Variants in DRP2 observed in about 807,000 individuals in gnomAD.
DRP2 encodes the protein dystrophin-related protein 2.
In DRP2, 29 loss-of-function variants were observed where a neutral mutation model predicts 78.2. That is an observed-to-expected ratio of 0.37 (90% CI 0.28 to 0.51). The LOEUF is 0.51. Ranked by LOEUF, DRP2 falls within the 20% of genes least tolerant of loss-of-function variation. DRP2 has a pLI of 0.94. For synonymous variants in DRP2, 290 were observed against 281.9 expected (o/e 1.03, Z -0.29); for missense variants, 686 against 770.6 (o/e 0.89, Z 1.30).
At chrX:101,252,452 CCACTG>C (rs199730630) in intron 16 of DRP2, among the ~76,000 whole-genome samples, 148 bp from the exon 17 acceptor site, 1,857 of 112,488 alleles carry the variant, frequency 0.017, 45 homozygotes, top group African/African-American at 0.057. Flanking sequence ...GAGAATTCAG[CCACTG>C]CTATGTATAC....
rs769822478 is a variant in DRP2, at chrX:101,248,624, G to A, written c.1540+25G>A. The A allele has an allele frequency of 5.1e-6, 6 of 1,168,189 alleles. No homozygotes were observed. In the African/African-American group the frequency reaches 5.3e-5, roughly 10 times the overall value. ...TGTGAGTAGAACTCCAAAGTGTGGA[G>A]TGGTGTTGGGTAGAGGGAAAGGTGT... On this transcript the variant is annotated intron_variant, in intron 14 of 23. Coordinates refer to ENST00000395209, the MANE Select transcript of DRP2 (RefSeq NM_001939.3).
At chrX:101,233,734 G>GC (rs1204824300) in intron 3 of DRP2, among the ~76,000 whole-genome samples, 1 of 111,861 alleles carries the variant, frequency 8.9e-6, no homozygotes, top group Non-Finnish European at 1.9e-5. Context: ...GCCTTCCCCT[G>GC]CCCCCACCCA....
chrX:101,225,429 A>G (rs1310358452), intron 2 of DRP2, among the ~76,000 whole-genome samples: 2 of 111,569 alleles, frequency 1.8e-5, no homozygotes, highest in Non-Finnish European at 3.8e-5. Flanking sequence ...TACAAATCCC[A>G]GCTCTTCACG....
intron 6 of DRP2, among the ~76,000 whole-genome samples, chrX:101,240,268 G>A (rs183673296): frequency 7.0e-4 from 78 of 111,348 alleles, no homozygotes; most frequent in Non-Finnish European, 1.2e-3. Context: ...TCATAACCCA[G>A]GCTGGAGTGC....
chrX:101,257,601 A>G (rs1160637647), intron 21 of DRP2, among the ~76,000 whole-genome samples: 1 of 108,802 alleles, frequency 9.2e-6, no homozygotes, highest in Non-Finnish European at 1.9e-5. Context: ...TGAGCTATGT[A>G]CTAGTCATGT....
chrX:101,255,099 T>C, intron 19 of DRP2, 85 bp from the exon 20 acceptor site: 1 of 1,098,942 alleles, frequency 9.1e-7, no homozygotes, highest in Non-Finnish European at 1.3e-6. Flanking sequence ...TCAAAGCCAA[T>C]GATCCTGCTG....
rs751654063 is a variant in DRP2 at position 101,256,219 on chromosome X, G to C, written c.2348G>C (p.Gly783Ala). 1 of 1,204,925 alleles carries C rather than the reference G, an allele frequency of 8.3e-7. No homozygotes were observed. Among genetic ancestry groups the C allele is most frequent in the Admixed American group, 2.2e-5 (1 of 45,050 alleles). ...TGCAGTGTGGCCACAGAAAGCAAAG[G>C]GGAGCTACAGAAGATCCTGGCCCAC... ...APCSVATESK[G>A]ELQKILAHLE... The change falls in exon 21 of 24, where the codon GGG becomes GCG. Residue 783 changes from glycine to alanine, a missense_variant. Around this residue, in one of 2 missense-constraint regions of DRP2, gnomAD observed 423 missense variants for 531.5 expected, o/e 0.80. Coordinates refer to ENST00000395209, the MANE Select transcript of DRP2 (RefSeq NM_001939.3).
At position 101,260,560 on chromosome X, in the gene DRP2, G is replaced by C; in HGVS notation, c.2813G>C (p.Arg938Pro). 8.3e-7 allele frequency: 1 copy of C among 1,211,345 alleles called. No homozygotes were observed. The highest frequency in any genetic ancestry group is 3.0e-5 in the East Asian group (1 of 33,823). The change falls in exon 24 of 24, where the codon CGT becomes CCT. Residue 938 changes from arginine to proline, a missense_variant. Physicochemically the swap from Arg to Pro is moderately radical, Grantham distance 103. Around this residue, in one of 2 missense-constraint regions of DRP2, gnomAD observed 423 missense variants for 531.5 expected, o/e 0.80. Transcript: ENST00000395209. ...TTGGAGGACATCATGGAGAAACTCC[G>C]TCATGCCTTCCCCAGTGTGCGAAGT... ...LCLEDIMEKLRHAFPSVRSSD... is the reference protein window; with the variant it reads ...LCLEDIMEKLPHAFPSVRSSD...
At chrX:101,257,751 G>A (rs1446552685) in intron 21 of DRP2, among the ~76,000 whole-genome samples, 1 of 111,431 alleles carries the variant, frequency 9.0e-6, no homozygotes, top group Non-Finnish European at 1.9e-5. Flanking sequence ...TGACTGTTCT[G>A]TTGCAAATAA....
intron 5 of DRP2, 42 bp downstream of exon 5, chrX:101,237,817 C>T: frequency 9.5e-7 from 1 of 1,058,152 alleles, no homozygotes; most frequent in Middle Eastern, 3.9e-4. Flanking sequence ...AGCCTCTCAG[C>T]TGGGGAGGAA....
intron 9 of DRP2, among the ~76,000 whole-genome samples, chrX:101,244,543 C>T (rs1262303145): frequency 9.0e-6 from 1 of 111,363 alleles, no homozygotes; most frequent in Non-Finnish European, 1.9e-5. Flanking sequence ...TCCAGAGTTC[C>T]TCATGAGAGA....
At chrX:101,239,235 C>A in intron 6 of DRP2, 134 bp downstream of exon 6, 2 of 869,971 alleles carry the variant, frequency 2.3e-6, no homozygotes, top group Non-Finnish European at 3.1e-6. Context: ...AGGAGTCCAT[C>A]CAAAGTTGGG....
intron 6 of DRP2, among the ~76,000 whole-genome samples, chrX:101,239,437 T>C (rs971721100): frequency 8.9e-6 from 1 of 111,986 alleles, no homozygotes; most frequent in African/African-American, 3.2e-5. Context: ...AAAGTACCAG[T>C]ATGTCCTTTA....
intron 20 of DRP2, among the ~76,000 whole-genome samples, chrX:101,255,679 C>T (rs1387235504): frequency 9.0e-6 from 1 of 111,167 alleles, no homozygotes; most frequent in Non-Finnish European, 1.9e-5. Context: ...CCTGGTATGA[C>T]AGCCCAGAGA....
chrX:101,236,109 T>G (rs1174554024), intron 4 of DRP2, 86 bp downstream of exon 4: 10 of 1,033,416 alleles, frequency 9.7e-6, no homozygotes, highest in Non-Finnish European at 1.3e-5. Context: ...TCTCAGCCTG[T>G]GCATCCCCCT....
chrX:101,232,287 T>C (rs1380289918), intron 3 of DRP2, among the ~76,000 whole-genome samples: 1 of 111,208 alleles, frequency 9.0e-6, no homozygotes, highest in African/African-American at 3.3e-5. Flanking sequence ...TGGTGGTGTA[T>C]GTGTCCGCCT....
chrX:101,244,554 G>A (rs1922857512), intron 9 of DRP2, among the ~76,000 whole-genome samples: 1 of 111,644 alleles, frequency 9.0e-6, no homozygotes, highest in African/African-American at 3.3e-5. Flanking sequence ...TCATGAGAGA[G>A]AGAGAAATGG....
In DRP2 at chrX:101,224,191, G is replaced by GTTTTTTTTTTTTTTTT. The variant is rs1167730116; in HGVS notation, c.-166-398_-166-383dup. 5.4e-4 allele frequency among the ~76,000 whole-genome samples: 21 copies of GTTTTTTTTTTTTTTTT among 38,876 alleles called. 1 individual carries two copies. The highest frequency in any genetic ancestry group is 2.7e-3 in the South Asian group (1 of 373). 33.8% of individuals were successfully genotyped at this position (38,876 alleles called of 115,157 possible). ...AATAAATGTTTGCTGGGTTTTTTTT[G>GTTTTTTTTTTTTTTTT]TTTTTTTTTTTTTTTTTTTTTTTTT... On this transcript the variant is annotated intron_variant, in intron 1 of 23. Coordinates refer to ENST00000395209, the MANE Select transcript of DRP2 (RefSeq NM_001939.3).
chrX:101,254,783 T>C lies in DRP2; in HGVS notation c.2115-76T>C, dbSNP rs1569509718. 1.9e-5 allele frequency: 22 copies of C among 1,149,717 alleles called. No homozygotes were observed. In the South Asian group the frequency reaches 3.7e-4, roughly 19 times the overall value. The allele number at this position is 1,149,717 out of a possible 1,213,427, so 94.7% of individuals were successfully genotyped here. A position where few individuals can be genotyped will look rare whatever the true frequency, so the allele number is the denominator to read the frequency against. On this transcript the variant is annotated intron_variant, in intron 18 of 23. Transcript: ENST00000395209. ...CATCAGCTCTTGCCCATGTCCATAA[T>C]GTAGGGAGCAGGAGAGGGAGGAGGA...
Sources: gnomAD v4.1 joint callset for allele counts (sites outside exome capture counted in the v4.1 genomes callset) on GRCh38, gnomAD v4.1.1 for gene constraint, gnomAD v4.1.1 regional missense constraint, MANE v1.5 for transcripts, NCBI Gene and HGNC (gene_info 2026-07-23, HGNC 2026-07-21) for gene names.